Variants in KCTD21 observed in about 807,000 individuals in gnomAD.
KCTD21 encodes BTB/POZ domain-containing protein KCTD21.
A neutral mutation model predicts 13.2 loss-of-function variants in KCTD21; 9 were observed. That is an observed-to-expected ratio of 0.68 (90% confidence interval 0.41 to 1.19). The LOEUF (loss-of-function observed/expected upper bound fraction) is 1.19. KCTD21 is among the 50% of genes most tolerant of loss of function. The pLI is 0.01. For synonymous variants in KCTD21, 142 were observed against 137.4 expected (o/e 1.03, Z -0.23); for missense variants, 303 against 336.5 (o/e 0.90, Z 0.78).
At chr11:78,175,306 A>C (rs1862418037) in intron 1 of KCTD21, 1 of 149,692 alleles carries the variant, frequency 6.7e-6, no homozygotes, top group South Asian at 2.2e-4. Context: ...CTGGACAACA[A>C]GAGTGAAACT....
In KCTD21 at chr11:78,188,585, C is replaced by G; in HGVS notation, c.-42G>C. ...GTGCCGCACCCACCTCCTGCCCTCG[C>G]TCTGCAGCCTCTCCCTCCGCGAGCG... is the stretch of plus-strand genomic sequence containing the variant. On this transcript the variant is annotated 5_prime_UTR_variant, in exon 1 of 2. Coordinates refer to ENST00000340067, the MANE Select transcript of KCTD21 (RefSeq NM_001029859.3). The G allele has an allele frequency of 1.0e-6, 1 of 985,598 alleles. No individual in the cohort carries two copies. The highest frequency in any genetic ancestry group is 1.7e-5 in the African/African-American group (1 of 57,342). The allele number at this position is 985,598 out of a possible 1,614,324, so 61.1% of individuals were successfully genotyped here.
chr11:78,186,867 A>AGATG, intron 1 of KCTD21: 1 of 985,490 alleles, frequency 1.0e-6, no homozygotes, highest in Non-Finnish European at 1.2e-6. Context: ...TTACTTAAGT[A>AGATG]GATGGATGCC....
chr11:78,185,135 T>C (rs1489268246), intron 1 of KCTD21, among the ~76,000 whole-genome samples: 1 of 152,200 alleles, frequency 6.6e-6, no homozygotes, highest in East Asian at 1.9e-4. Context: ...TATTAGGGGA[T>C]ACATGTTGAA....
chr11:78,185,764 G>C (rs562339122), intron 1 of KCTD21, among the ~76,000 whole-genome samples: 3 of 152,034 alleles, frequency 2.0e-5, no homozygotes, highest in African/African-American at 7.2e-5. Context: ...GCTAATTTTT[G>C]TATTTTTAGT....
chr11:78,188,432 C>A, intron 1 of KCTD21, 141 bp downstream of exon 1: 1 of 985,640 alleles, frequency 1.0e-6, no homozygotes, highest in Non-Finnish European at 1.2e-6. Context: ...CCCCGCACCA[C>A]AGGCGATGCC....
chr11:78,186,845 C>T, intron 1 of KCTD21: 1 of 985,472 alleles, frequency 1.0e-6, no homozygotes, highest in Non-Finnish European at 1.2e-6. Flanking sequence ...TAACCCCTTA[C>T]CACAGCCAAC....
chr11:78,182,123 G>A (rs571362442), intron 1 of KCTD21, among the ~76,000 whole-genome samples: 1 of 152,250 alleles, frequency 6.6e-6, no homozygotes, highest in Admixed American at 6.5e-5. Context: ...TTTTAGATTT[G>A]TCCCCAGCTG....
Position 78,188,614 on chromosome 11 carries a change from A to G in KCTD21, c.-71T>C. On this transcript the variant is annotated 5_prime_UTR_variant, in exon 1 of 2. Coordinates refer to ENST00000340067, the MANE Select transcript of KCTD21 (RefSeq NM_001029859.3). ...GCAGCCTCTCCCTCCGCGAGCGGCCAGCGCAGCTTTGCGAGGGGGGCGGAG... is the reference window on the plus strand; with the variant it reads ...GCAGCCTCTCCCTCCGCGAGCGGCCGGCGCAGCTTTGCGAGGGGGGCGGAG... The G allele has an allele frequency of 3.0e-6, 3 of 985,404 alleles. No individual in the cohort carries two copies. Among genetic ancestry groups the G allele is most frequent in the Non-Finnish European group, 3.6e-6 (3 of 829,932 alleles). 61.0% of individuals were successfully genotyped at this position (985,404 alleles called of 1,614,324 possible).
chr11:78,176,158 C>CA (rs1354368857), intron 1 of KCTD21: 1 of 152,108 alleles, frequency 6.6e-6, no homozygotes, highest in African/African-American at 2.4e-5. Flanking sequence ...GGGTTGGTTC[C>CA]AAGTCTTTGC....
At chr11:78,185,460 A>G (rs1862739123) in intron 1 of KCTD21, among the ~76,000 whole-genome samples, 1 of 152,112 alleles carries the variant, frequency 6.6e-6, no homozygotes, top group Admixed American at 6.5e-5. Flanking sequence ...AAAGCTCATA[A>G]TTTTCCTTCC....
chr11:78,187,094 G>A (rs1451947193), intron 1 of KCTD21: 2 of 985,432 alleles, frequency 2.0e-6, no homozygotes, highest in Non-Finnish European at 2.4e-6. Flanking sequence ...TAAATGCAAG[G>A]AGAGTTTCCA....
At chr11:78,181,489 T>C (rs1862618231) in intron 1 of KCTD21, among the ~76,000 whole-genome samples, 1 of 152,212 alleles carries the variant, frequency 6.6e-6, no homozygotes, top group South Asian at 2.1e-4. Flanking sequence ...AAGTGAATTC[T>C]TGGGGCTGGG....
intron 1 of KCTD21, among the ~76,000 whole-genome samples, chr11:78,176,474 G>A (rs1031862433): frequency 1.3e-5 from 2 of 152,088 alleles, no homozygotes; most frequent in African/African-American, 4.8e-5. Flanking sequence ...TAGAAAACAG[G>A]AGATCTCAGC....
chr11:78,188,182 C>G (rs890422365), intron 1 of KCTD21: 1 of 985,216 alleles, frequency 1.0e-6, no homozygotes, highest in Non-Finnish European at 1.2e-6. Flanking sequence ...CTGGCCTCAT[C>G]GGCTTGTTCC....
At chr11:78,181,613 T>A (rs1226733691) in intron 1 of KCTD21, among the ~76,000 whole-genome samples, 1 of 152,192 alleles carries the variant, frequency 6.6e-6, no homozygotes, top group Non-Finnish European at 1.5e-5. Flanking sequence ...AATGTGTTTA[T>A]AAAGACTGTC....
Position 78,173,973 on chromosome 11 carries a change from G to C in KCTD21, c.582C>G (p.Gly194=). The change falls in exon 2 of 2, where the codon GGC becomes GGG. Residue 194 remains glycine, a synonymous_variant. Coordinates refer to ENST00000340067, the MANE Select transcript of KCTD21 (RefSeq NM_001029859.3). The part of the protein sequence containing the change: ...LTLDWVANVE[G]LPEEEYTKQN... ...GCTTGGTGTACTCCTCCTCTGGCAG[G>C]CCCTCCACATTGGCCACCCAGTCCA... 1 of 1,614,006 alleles carries C rather than the reference G, an allele frequency of 6.2e-7. No individual in the cohort carries two copies. The highest frequency in any genetic ancestry group is 8.5e-7 in the Non-Finnish European group (1 of 1,180,008).
chr11:78,174,084 C>G lies in KCTD21; in HGVS notation c.471G>C (p.Lys157Asn), dbSNP rs777637475. 1.2e-6 allele frequency: 2 copies of G among 1,614,154 alleles called. No homozygotes were observed. Among genetic ancestry groups the G allele is most frequent in the Non-Finnish European group, 1.7e-6 (2 of 1,180,030 alleles). The change falls in exon 2 of 2, where the codon AAG becomes AAC. Residue 157 changes from lysine (K) to asparagine (N), a missense_variant. Lys to Asn is a moderately conservative substitution (Grantham distance 94). Transcript: ENST00000340067. ...AGTAGAAGAGCTTAGAGCCAAGGAG[C>G]TTGAGGAAGAGGCAGGAGGTGCTGA... Reference protein sequence around the residue: ...NIFSTSCLFLKLLGSKLFYCS... With the variant: ...NIFSTSCLFLNLLGSKLFYCS...
chr11:78,182,621 G>A (rs899206871), intron 1 of KCTD21, among the ~76,000 whole-genome samples: 1 of 152,118 alleles, frequency 6.6e-6, no homozygotes, highest in Non-Finnish European at 1.5e-5. Flanking sequence ...AGGCAGGACC[G>A]ATTACATTGT....
intron 1 of KCTD21, among the ~76,000 whole-genome samples, chr11:78,179,203 T>C (rs1355987864): frequency 1.4e-5 from 2 of 147,386 alleles, no homozygotes; most frequent in Non-Finnish European, 3.0e-5. Flanking sequence ...TTTTTATTTT[T>C]ACTTTTTTTT....
Sources: gnomAD v4.1 joint callset for allele counts (sites outside exome capture counted in the v4.1 genomes callset) on GRCh38, gnomAD v4.1.1 for gene constraint, MANE v1.5 for transcripts, NCBI Gene and HGNC (gene_info 2026-07-23, HGNC 2026-07-21) for gene names.